Variants in TLK2 observed in about 807,000 individuals in gnomAD.
TLK2 encodes tousled like kinase 2, also known as serine/threonine-protein kinase tousled-like 2.
TLK2 carries 6 observed loss-of-function variants against 117.3 expected under a neutral mutation model. The ratio of observed to expected loss-of-function variants is 0.05; its 90% CI spans 0.03 to 0.10. The LOEUF (loss-of-function observed/expected upper bound fraction) is 0.10, where lower values mean the gene tolerates loss of function less well. Ranked by LOEUF, TLK2 falls within the 10% of genes least tolerant of loss-of-function variation. The pLI is 1.00. For missense variants in TLK2, 299 were observed against 901.2 expected, an observed-to-expected ratio of 0.33 and a Z score of 8.56; for synonymous variants, 257 against 316.7, an observed-to-expected ratio of 0.81 and a Z score of 2.00.
rs563203762 is a variant in TLK2 at position 62,483,450 on chromosome 17, A to G, written c.81+2244A>G. Among the ~76,000 whole-genome samples the G allele has an allele frequency of 3.3e-5, 5 of 152,328 alleles. No individual in the cohort carries two copies. The East Asian group carries it at 5.8e-4, about 18-fold the overall frequency. ...ACCTATCTGTTTAATAGGAAATTCT[A>G]CCTTTAACATAGAAAGAAGTTCTCT... On this transcript the variant is annotated intron_variant, in intron 2 of 21. Transcript: ENST00000346027.
intron 17 of TLK2, among the ~76,000 whole-genome samples, chr17:62,599,650 C>T (rs1440022486): frequency 6.6e-6 from 1 of 152,166 alleles, no homozygotes; most frequent in Non-Finnish European, 1.5e-5. Flanking sequence ...TGGCTTCCTG[C>T]TGTAGATGAT....
intron 12 of TLK2, 126 bp downstream of exon 12, chr17:62,573,493 A>G (rs2080484051): frequency 6.3e-6 from 8 of 1,279,670 alleles, no homozygotes; most frequent in Non-Finnish European, 6.4e-6. Flanking sequence ...TTTCAGTTAC[A>G]TTAATGGATT....
intron 9 of TLK2, among the ~76,000 whole-genome samples, chr17:62,557,006 C>T (rs2078910317): frequency 6.6e-6 from 1 of 152,204 alleles, no homozygotes; most frequent in Non-Finnish European, 1.5e-5. Flanking sequence ...CTCACTGCAG[C>T]CTTCATCTCC....
chr17:62,547,850 G>GAC (rs1484211675), intron 7 of TLK2, among the ~76,000 whole-genome samples: 2 of 152,120 alleles, frequency 1.3e-5, no homozygotes, highest in Non-Finnish European at 2.9e-5. Context: ...ATCCAGCACA[G>GAC]ACAGACCCGG....
intron 2 of TLK2, among the ~76,000 whole-genome samples, chr17:62,516,991 C>T (rs1451885042): frequency 6.6e-6 from 1 of 152,114 alleles, no homozygotes; most frequent in Non-Finnish European, 1.5e-5. Context: ...CTGCAACCTC[C>T]ACCTTGCAGG....
intron 6 of TLK2, among the ~76,000 whole-genome samples, chr17:62,533,533 G>C (rs1459924170): frequency 6.6e-6 from 1 of 151,122 alleles, no homozygotes; most frequent in East Asian, 1.9e-4. Flanking sequence ...CTGGAGTGCA[G>C]TGGTGTGATC....
At chr17:62,539,966 T>C (rs1196221356) in intron 7 of TLK2, among the ~76,000 whole-genome samples, 2 of 152,182 alleles carry the variant, frequency 1.3e-5, no homozygotes, top group Non-Finnish European at 2.9e-5. Context: ...AAATGTAACA[T>C]GTTCAAAACT....
intron 2 of TLK2, among the ~76,000 whole-genome samples, chr17:62,510,929 A>G (rs547374755): frequency 2.1e-4 from 32 of 152,348 alleles, no homozygotes; most frequent in Admixed American, 3.9e-4. Context: ...CTTTACAATA[A>G]TAAGTAATAC....
At chr17:62,548,913 G>A (rs1410560049) in intron 7 of TLK2, among the ~76,000 whole-genome samples, 1 of 145,808 alleles carries the variant, frequency 6.9e-6, no homozygotes, top group Admixed American at 6.8e-5. Flanking sequence ...ATTTTTTTTT[G>A]TATGTTTAGT....
At chr17:62,516,966 A>C (rs1490288881) in intron 2 of TLK2, among the ~76,000 whole-genome samples, 1 of 151,642 alleles carries the variant, frequency 6.6e-6, no homozygotes, top group East Asian at 2.0e-4. Context: ...GTGCGCTGGC[A>C]GTAATCTCAG....
At position 62,598,290 on chromosome 17, in the gene TLK2, A is replaced by C. The variant is rs550157787; in HGVS notation, c.1550+1616A>C. On this transcript the variant is annotated intron_variant, in intron 17 of 21. Transcript: ENST00000346027. ...TAAGTTCAAGAACTATTTCAAAGTT[A>C]AATATCAGGCTCAAATTATCTGCTG... Among the ~76,000 whole-genome samples, 10 of 152,348 alleles carry C rather than the reference A, an allele frequency of 6.6e-5. No homozygotes were observed. The East Asian group carries it at 1.9e-3, about 29-fold the overall frequency.
chr17:62,579,942 T>C lies in TLK2; in HGVS notation c.1287-169T>C, dbSNP rs561081557. 2.8e-4 allele frequency among the ~76,000 whole-genome samples: 43 copies of C among 152,300 alleles called. No homozygotes were observed. The South Asian group carries it at 4.8e-3, about 17-fold the overall frequency. On this transcript the variant is annotated intron_variant, in intron 14 of 21. Transcript: ENST00000346027. Reference sequence around the variant, plus strand: ...TGTTCATTGTAATTACACTGCCTCTTTGAACTGTGTAACTTTATACTCAGT... The same window carrying C: ...TGTTCATTGTAATTACACTGCCTCTCTGAACTGTGTAACTTTATACTCAGT...
At chr17:62,569,205 T>C (rs901442377) in intron 11 of TLK2, among the ~76,000 whole-genome samples, 2 of 150,796 alleles carry the variant, frequency 1.3e-5, no homozygotes, top group African/African-American at 4.9e-5. Flanking sequence ...CCCAGGAGGC[T>C]GAGACAGAAT....
At chr17:62,537,136 C>G (rs923399865) in intron 7 of TLK2, among the ~76,000 whole-genome samples, 1 of 152,130 alleles carries the variant, frequency 6.6e-6, no homozygotes, top group Non-Finnish European at 1.5e-5. Flanking sequence ...CTTACTGGTT[C>G]ATTTTGTCCA....
chr17:62,552,224 A>C (rs1260918255), intron 7 of TLK2, 78 bp from the exon 8 acceptor site: 15 of 1,090,666 alleles, frequency 1.4e-5, no homozygotes, highest in South Asian at 4.6e-5. Context: ...CAAATTATGG[A>C]GTTGTTTGCA....
chr17:62,581,454 T>C (rs2081213898), intron 15 of TLK2, among the ~76,000 whole-genome samples: 1 of 150,600 alleles, frequency 6.6e-6, no homozygotes, highest in Non-Finnish European at 1.5e-5. Context: ...TTTTTTTTTT[T>C]TGGAGACATT....
At chr17:62,515,167 T>A (rs542516306) in intron 2 of TLK2, among the ~76,000 whole-genome samples, 9 of 152,336 alleles carry the variant, frequency 5.9e-5, no homozygotes, top group African/African-American at 2.2e-4. Context: ...TTCTCAGGGC[T>A]TATCCATGTT....
rs531126954 is a variant in TLK2 at position 62,471,263 on chromosome 17, G to A, written c.-205+185G>A. On this transcript the variant is annotated intron_variant, in intron 1 of 4. Transcript: ENST00000579450. Reference sequence around the variant, plus strand: ...ACTTCTGGAATTCTTGCAGCCACTCGACTCAAAAGCAGTTAGCATAGTGCT... The same window carrying A: ...ACTTCTGGAATTCTTGCAGCCACTCAACTCAAAAGCAGTTAGCATAGTGCT... 5.2e-3 allele frequency among the ~76,000 whole-genome samples: 795 copies of A among 152,240 alleles called. 5 individuals carry two copies. The highest frequency in any genetic ancestry group is 0.018 in the African/African-American group (756 of 41,550).
rs1176591261 is a variant in TLK2, at chr17:62,615,091, C to A, written c.*2526C>A. 6.6e-6 allele frequency: 1 copy of A among 152,040 alleles called. No individual in the cohort carries two copies. Among genetic ancestry groups the A allele is most frequent in the East Asian group, 1.9e-4 (1 of 5,196 alleles). The allele number at this position is 152,040 out of a possible 1,614,324, so 9.4% of individuals were successfully genotyped here. The stretch of plus-strand genomic sequence containing the variant: ...TGCAGGATTTTATCTTTCAATCTGC[C>A]CTTTCTACCCTTGTCCTATTGAAAG... On this transcript the variant is annotated 3_prime_UTR_variant, in exon 22 of 22. Transcript: ENST00000346027.
Sources: allele counts gnomAD v4.1 joint callset (sites outside exome capture counted in the v4.1 genomes callset), GRCh38; gene constraint gnomAD v4.1.1; transcripts MANE v1.5; gene names NCBI Gene and HGNC (gene_info 2026-07-23, HGNC 2026-07-21).